SPAG17: variants seen among roughly 807,000 people sequenced by gnomAD.
The protein encoded by SPAG17 is sperm-associated antigen 17.
A neutral mutation model predicts 273.6 loss-of-function variants in SPAG17; 169 were observed. That is an observed-to-expected ratio of 0.62 (90% confidence interval 0.55 to 0.70). SPAG17 has a LOEUF of 0.70. SPAG17 is among the 30% of genes least tolerant of loss of function. The pLI is 0.00. For synonymous variants in SPAG17, 825 were observed against 873.2 expected (o/e 0.94, Z 0.97); for missense variants, 2,557 against 2,627.8 (o/e 0.97, Z 0.59).
intron 15 of SPAG17, among the ~76,000 whole-genome samples, chr1:118,077,632 T>G (rs1381184424): frequency 1.3e-5 from 2 of 152,192 alleles, no homozygotes; most frequent in African/African-American, 4.8e-5. Context: ...GACTTCCCTG[T>G]CATTCATTTG....
Position 118,086,892 on chromosome 1 carries a change from A to ACAGAGTGAGGG in SPAG17, c.1465_1475dup (p.Leu493ProfsTer35). 1 of 1,614,044 alleles carries ACAGAGTGAGGG rather than the reference A, an allele frequency of 6.2e-7. No homozygotes were observed. The highest frequency in any genetic ancestry group is 8.5e-7 in the Non-Finnish European group (1 of 1,179,980). The stretch of plus-strand genomic sequence containing the variant: ...TGACCTTTTTCTCCCTCTCTGAGAG[A>ACAGAGTGAGGG]CAGAGTGAGGGCAGAAGGGACACAA... On this transcript the variant is annotated frameshift_variant, in exon 11 of 49. Coordinates refer to ENST00000336338, the MANE Select transcript of SPAG17 (RefSeq NM_206996.4). LOFTEE classifies it high-confidence loss of function.
At chr1:117,983,589 G>A (rs1656072031) in intron 42 of SPAG17, among the ~76,000 whole-genome samples, 2 of 152,140 alleles carry the variant, frequency 1.3e-5, no homozygotes, top group Admixed American at 6.5e-5. Context: ...TTTTAAATTA[G>A]TCAGGTCTCC....
At chr1:118,157,876 ATAT>A (rs1212367136) in intron 1 of SPAG17, among the ~76,000 whole-genome samples, 1 of 152,148 alleles carries the variant, frequency 6.6e-6, no homozygotes, top group African/African-American at 2.4e-5. Context: ...ATCCTTAAAG[ATAT>A]TATTTTGGGG....
intron 43 of SPAG17, among the ~76,000 whole-genome samples, chr1:117,977,073 G>A (rs191546817): frequency 9.9e-5 from 15 of 152,056 alleles, no homozygotes; most frequent in African/African-American, 3.6e-4. Context: ...ACTTTGGGAG[G>A]CCGAGGTGGG....
intron 3 of SPAG17, among the ~76,000 whole-genome samples, chr1:118,127,569 A>C (rs893091358): frequency 6.6e-6 from 1 of 152,236 alleles, no homozygotes; most frequent in Non-Finnish European, 1.5e-5. Context: ...CCCTGCCTCC[A>C]ACAGTGGGGG....
chr1:118,069,358 A>AAAAAAAAAAAAAAAAAAT, intron 17 of SPAG17, among the ~76,000 whole-genome samples: 1 of 150,458 alleles, frequency 6.6e-6, no homozygotes, highest in Non-Finnish European at 1.5e-5. Context: ...AAAAAAAAAA[A>AAAAAAAAAAAAAAAAAAT]GTGGTGGTAG....
At chr1:117,989,395 CA>C (rs1023627349) in intron 38 of SPAG17, among the ~76,000 whole-genome samples, 4 of 151,866 alleles carry the variant, frequency 2.6e-5, no homozygotes, top group African/African-American at 9.7e-5. Flanking sequence ...AAGGAAGCAA[CA>C]GAGAGAGGGG....
At chr1:118,154,073 C>T (rs985170010) in intron 1 of SPAG17, among the ~76,000 whole-genome samples, 3 of 152,090 alleles carry the variant, frequency 2.0e-5, no homozygotes, top group Admixed American at 6.5e-5. Flanking sequence ...CCGAAACTCA[C>T]GGGTCCCTGA....
At chr1:117,998,260 A>G (rs1043772064) in intron 32 of SPAG17, among the ~76,000 whole-genome samples, 3 of 152,202 alleles carry the variant, frequency 2.0e-5, no homozygotes, top group Admixed American at 1.3e-4. Context: ...TCTAGTTTCA[A>G]TCTTCTGCAT....
At chr1:118,172,443 G>C (rs1558061141) in intron 1 of SPAG17, among the ~76,000 whole-genome samples, 1 of 152,074 alleles carries the variant, frequency 6.6e-6, no homozygotes, top group East Asian at 1.9e-4. Flanking sequence ...TCACAGCAAA[G>C]GAATGGAATA....
chr1:118,009,685 T>A (rs1391267940), intron 30 of SPAG17, among the ~76,000 whole-genome samples: 1 of 152,080 alleles, frequency 6.6e-6, no homozygotes, highest in Non-Finnish European at 1.5e-5. Context: ...TTGCCACCAA[T>A]CAAAGACTAT....
Position 118,079,580 on chromosome 1 carries a change from A to T in SPAG17, c.2209+1521T>A, listed in dbSNP as rs143882823. ...TGTTTCTATGTTTTCTATTTCATTG[A>T]CGTAATTTTCATCTATGTTTTCTAT... On this transcript the variant is annotated intron_variant, in intron 15 of 48. Transcript: ENST00000336338. Among the ~76,000 whole-genome samples, 22 of 151,932 alleles carry T rather than the reference A, an allele frequency of 1.4e-4. No individual in the cohort carries two copies. The East Asian group carries it at 4.2e-3, about 29-fold the overall frequency.
intron 4 of SPAG17, among the ~76,000 whole-genome samples, chr1:118,103,348 T>C (rs1037555602): frequency 6.6e-6 from 1 of 152,166 alleles, no homozygotes; most frequent in Non-Finnish European, 1.5e-5. Context: ...TCAATGAGAA[T>C]GGAAGTTCTG....
chr1:118,096,595 C>A (rs888730379), intron 7 of SPAG17, among the ~76,000 whole-genome samples: 5 of 152,156 alleles, frequency 3.3e-5, no homozygotes, highest in African/African-American at 1.2e-4. Context: ...TTTTCTGTAG[C>A]AGAGGGATGC....
At chr1:117,981,812 G>A (rs544924803) in intron 42 of SPAG17, among the ~76,000 whole-genome samples, 11 of 152,258 alleles carry the variant, frequency 7.2e-5, no homozygotes, top group African/African-American at 2.6e-4. Context: ...CTGTGAAAAC[G>A]TAGCTCTTTG....
At chr1:118,036,090 AGGT>A (rs1358598835) in intron 24 of SPAG17, among the ~76,000 whole-genome samples, 3 of 152,124 alleles carry the variant, frequency 2.0e-5, no homozygotes, top group Non-Finnish European at 1.5e-5. Flanking sequence ...CAGGAGCCTG[AGGT>A]GGGAGGATTG....
At chr1:118,162,903 G>A (rs1461969892) in intron 1 of SPAG17, among the ~76,000 whole-genome samples, 2 of 151,976 alleles carry the variant, frequency 1.3e-5, no homozygotes, top group African/African-American at 2.4e-5. Flanking sequence ...TACTCACACA[G>A]TAAATATTAA....
chr1:118,043,797 T>C (rs1650039589), intron 20 of SPAG17, among the ~76,000 whole-genome samples: 1 of 152,204 alleles, frequency 6.6e-6, no homozygotes, highest in African/African-American at 2.4e-5. Flanking sequence ...GAAATATTCG[T>C]CCAGTATTAA....
chr1:118,062,337 A>G (rs12124192), intron 18 of SPAG17, among the ~76,000 whole-genome samples: 8,374 of 137,678 alleles, frequency 0.061, 456 homozygotes, highest in East Asian at 0.3. Context: ...ACTGCACTCC[A>G]GCCTGGGCGA....
Sources: allele counts gnomAD v4.1 joint callset (sites outside exome capture counted in the v4.1 genomes callset), GRCh38; gene constraint gnomAD v4.1.1; transcripts MANE v1.5; gene names NCBI Gene and HGNC (gene_info 2026-07-23, HGNC 2026-07-21).